Variants in HM13 observed in about 807,000 individuals in gnomAD.
The protein encoded by HM13 is signal peptide peptidase.
In HM13, 18 loss-of-function variants were observed where a neutral mutation model predicts 50.0. The observed-to-expected ratio is 0.36, with a 90% CI of 0.25 to 0.53. The LOEUF is 0.53. HM13 is among the 20% of genes least tolerant of loss of function. The pLI, the probability that HM13 is intolerant of heterozygous loss-of-function variation, is 0.90. For synonymous variants in HM13, 197 were observed against 232.6 expected, an observed-to-expected ratio of 0.85 and a Z score of 1.39; for missense variants, 393 against 552.4, an observed-to-expected ratio of 0.71 and a Z score of 2.89.
chr20:31,544,598 A>T lies in HM13; in HGVS notation c.366-349A>T, dbSNP rs75585702. Among the ~76,000 whole-genome samples, 1,049 of 152,344 alleles carry T rather than the reference A, an allele frequency of 6.9e-3. 2 individuals carry two copies. The highest frequency in any genetic ancestry group is 0.01 in the Non-Finnish European group (694 of 68,032). On this transcript the variant is annotated intron_variant, in intron 3 of 12. Transcript: ENST00000398174. ...TTGACAAGGGACTCATATAGGTGGC[A>T]TGTGGGCCAGACTTTGGGATCCTCT... is the stretch of plus-strand genomic sequence containing the variant.
intron 4 of HM13, chr20:31,548,232 A>T: frequency 1.8e-6 from 1 of 562,570 alleles, no homozygotes; most frequent in Non-Finnish European, 3.3e-6. Context: ...AAATTAGGGG[A>T]CAAGCAGCAA....
At chr20:31,549,450 TC>T in intron 6 of HM13, 118 bp downstream of exon 6, 2 of 1,321,046 alleles carry the variant, frequency 1.5e-6, no homozygotes, top group Non-Finnish European at 2.1e-6. Context: ...GGGCTGAAGT[TC>T]CGGACCGCAG....
chr20:31,559,740 C>T (rs1365959395), intron 9 of HM13, 93 bp downstream of exon 9: 5 of 1,144,140 alleles, frequency 4.4e-6, no homozygotes, highest in Non-Finnish European at 6.6e-6. Flanking sequence ...GGAGACCAGA[C>T]CCTCCACCCC....
At chr20:31,538,385 A>G in intron 3 of HM13, 124 bp downstream of exon 3, 1 of 1,568,200 alleles carries the variant, frequency 6.4e-7, no homozygotes, top group South Asian at 1.1e-5. Flanking sequence ...ATAAAACTCA[A>G]GGGACTCTTT....
At chr20:31,526,886 A>G (rs1982521476) in intron 1 of HM13, among the ~76,000 whole-genome samples, 1 of 152,194 alleles carries the variant, frequency 6.6e-6, no homozygotes, top group African/African-American at 2.4e-5. Flanking sequence ...ATTTTCTTCG[A>G]GAGGTCTGAA....
At chr20:31,524,278 T>A (rs1282918997) in intron 1 of HM13, among the ~76,000 whole-genome samples, 1 of 152,220 alleles carries the variant, frequency 6.6e-6, no homozygotes, top group South Asian at 2.1e-4. Context: ...GGACCTTTTT[T>A]GAAGTGAGGC....
At chr20:31,538,789 A>C (rs570371103) in intron 3 of HM13, 3 of 377,094 alleles carry the variant, frequency 8.0e-6, no homozygotes, top group East Asian at 3.1e-4. Flanking sequence ...TTCCTGGTGA[A>C]TGTGGAGAAA....
intron 7 of HM13, chr20:31,554,478 C>G (rs1169715751): frequency 1.2e-5 from 4 of 341,774 alleles, no homozygotes; most frequent in African/African-American, 8.6e-5. Flanking sequence ...GTCAGGAGAT[C>G]AAGACCATCC....
chr20:31,564,896 T>C (rs1241681486), intron 10 of HM13, among the ~76,000 whole-genome samples: 1 of 148,472 alleles, frequency 6.7e-6, no homozygotes, highest in Non-Finnish European at 1.5e-5. Flanking sequence ...CCAGGCGCGG[T>C]GTCTCACGCT....
chr20:31,549,408 G>T, intron 6 of HM13, 76 bp downstream of exon 6: 1 of 1,590,370 alleles, frequency 6.3e-7, no homozygotes, highest in East Asian at 2.2e-5. Flanking sequence ...TCTGGCCCAA[G>T]TTGCAGTCAT....
intron 10 of HM13, 139 bp downstream of exon 10, chr20:31,561,875 T>C: frequency 1.5e-6 from 1 of 683,762 alleles, no homozygotes; most frequent in Non-Finnish European, 2.6e-6. Flanking sequence ...TGTGATTCTC[T>C]TGGCCTTCCA....
intron 8 of HM13, among the ~76,000 whole-genome samples, chr20:31,555,320 G>A (rs1310805358): frequency 6.6e-6 from 1 of 152,218 alleles, no homozygotes; most frequent in Non-Finnish European, 1.5e-5. Flanking sequence ...ATGGGCTCCT[G>A]TCTGCACTCT....
At chr20:31,561,533 C>T (rs1035740674) in intron 9 of HM13, 101 bp from the exon 10 acceptor site, 13 of 806,500 alleles carry the variant, frequency 1.6e-5, no homozygotes, top group Non-Finnish European at 2.8e-5. Flanking sequence ...CAGTCACCCC[C>T]CCACAACCTC....
chr20:31,547,776 C>T, intron 4 of HM13: 1 of 940,670 alleles, frequency 1.1e-6, no homozygotes, highest in Middle Eastern at 2.3e-4. Context: ...ACCCTTTTAT[C>T]CTGCCACACC....
At chr20:31,547,901 C>T (rs1568792222) in intron 4 of HM13, 1 of 1,084,698 alleles carries the variant, frequency 9.2e-7, no homozygotes, top group Non-Finnish European at 1.4e-6. Context: ...ACGATTGTAG[C>T]AGTCACAGCG....
At chr20:31,543,134 T>A (rs1227528929) in intron 3 of HM13, among the ~76,000 whole-genome samples, 4 of 152,132 alleles carry the variant, frequency 2.6e-5, no homozygotes, top group Admixed American at 1.3e-4. Flanking sequence ...TCCCACCGCC[T>A]CAGAACCCTG....
intron 4 of HM13, among the ~76,000 whole-genome samples, chr20:31,546,751 T>C (rs1318805519): frequency 3.2e-5 from 4 of 123,782 alleles, no homozygotes; most frequent in African/African-American, 9.0e-5. Context: ...TGAGACCCTG[T>C]CTCAAAAAAA....
chr20:31,540,010 G>A (rs1475422510), intron 3 of HM13: 1 of 152,252 alleles, frequency 6.6e-6, no homozygotes, highest in Admixed American at 6.5e-5. Flanking sequence ...GAGGTGTGGG[G>A]AGGGTCTAGT....
Position 31,569,422 on chromosome 20 carries a change from C to G in HM13, c.*203C>G, listed in dbSNP as rs951320595. The G allele has an allele frequency of 2.3e-6, 1 of 428,288 alleles. No homozygotes were observed. The highest frequency in any genetic ancestry group is 2.0e-5 in the African/African-American group (1 of 49,546). 26.5% of individuals were successfully genotyped at this position (428,288 alleles called of 1,614,324 possible). On this transcript the variant is annotated 3_prime_UTR_variant, in exon 13 of 13. Transcript: ENST00000398174. ...CTCCTCTGCTCCTCCCCACACCCTG[C>G]AGGCAAAAGAAACCCCCAGCTTCCC...
Sources: allele counts gnomAD v4.1 joint callset (sites outside exome capture counted in the v4.1 genomes callset), GRCh38; gene constraint gnomAD v4.1.1; transcripts MANE v1.5; gene names NCBI Gene and HGNC (gene_info 2026-07-23, HGNC 2026-07-21).